Variants in VNN1 observed in about 807,000 individuals in gnomAD.
VNN1 encodes the protein pantetheinase.
Under a neutral mutation model 41.9 loss-of-function variants are expected in VNN1, and 29 were observed. The ratio of observed to expected loss-of-function variants is 0.69; its 90% confidence interval spans 0.52 to 0.94. The LOEUF is 0.94. Among genes scored for constraint, VNN1 ranks in the 40% least tolerant of loss-of-function variants. VNN1 has a pLI of 0.00. For missense variants in VNN1, 637 were observed against 621.1 expected, an observed-to-expected ratio of 1.03 and a Z score of -0.27; for synonymous variants, 233 against 224.4, an observed-to-expected ratio of 1.04 and a Z score of -0.34.
chr6:132,713,244 A>G (rs1196186904), intron 1 of VNN1, among the ~76,000 whole-genome samples: 1 of 152,254 alleles, frequency 6.6e-6, no homozygotes, highest in South Asian at 2.1e-4. Flanking sequence ...AATAGCTTTT[A>G]AAATAATATT....
At chr6:132,709,970 T>C (rs1205055480) in intron 2 of VNN1, among the ~76,000 whole-genome samples, 2 of 152,180 alleles carry the variant, frequency 1.3e-5, no homozygotes, top group African/African-American at 4.8e-5. Context: ...AGTAAATGAT[T>C]ATGATAAATA....
intron 2 of VNN1, among the ~76,000 whole-genome samples, chr6:132,708,361 A>G (rs868687884): frequency 1.9e-4 from 29 of 152,268 alleles, no homozygotes; most frequent in Middle Eastern, 3.4e-3. Context: ...AAAGTATCCT[A>G]TTTTTAATTA....
intron 2 of VNN1, among the ~76,000 whole-genome samples, chr6:132,702,289 G>T (rs1271405820): frequency 6.6e-6 from 1 of 152,188 alleles, no homozygotes; most frequent in South Asian, 2.1e-4. Flanking sequence ...AGGAATCTAG[G>T]TTGCATGTTC....
intron 2 of VNN1, among the ~76,000 whole-genome samples, chr6:132,706,709 G>A (rs1176558838): frequency 6.6e-6 from 1 of 152,014 alleles, no homozygotes; most frequent in Non-Finnish European, 1.5e-5. Flanking sequence ...TATCAAGAAA[G>A]TGAAGAGACA....
intron 2 of VNN1, among the ~76,000 whole-genome samples, chr6:132,711,162 G>C (rs758136032): frequency 3.9e-5 from 6 of 152,170 alleles, no homozygotes; most frequent in Non-Finnish European, 8.8e-5. Context: ...GAATCGACAT[G>C]ATTTTCTTAG....
chr6:132,686,155 T>C (rs541778170), intron 5 of VNN1, among the ~76,000 whole-genome samples: 1 of 152,146 alleles, frequency 6.6e-6, no homozygotes, highest in African/African-American at 2.4e-5. Context: ...TTAAAAAAAA[T>C]GTTTATCTGG....
intron 2 of VNN1, among the ~76,000 whole-genome samples, chr6:132,709,622 C>T (rs548650831): frequency 5.9e-5 from 9 of 151,456 alleles, no homozygotes; most frequent in African/African-American, 2.2e-4. Context: ...TGAGATCACG[C>T]CACTGCACTC....
Position 132,681,711 on chromosome 6 carries a change from T to G in VNN1, c.*1429A>C, listed in dbSNP as rs900159379. Reference sequence around the variant, plus strand: ...TGAGGATTCCTGTTTCTAAATACATTATGGGCTTTCTTATTTTCTATTAGG... The same window carrying G: ...TGAGGATTCCTGTTTCTAAATACATGATGGGCTTTCTTATTTTCTATTAGG... On this transcript the variant is annotated 3_prime_UTR_variant, in exon 7 of 7. Coordinates refer to ENST00000367928, the MANE Select transcript of VNN1 (RefSeq NM_004666.3). 5 of 152,658 alleles carry G rather than the reference T, an allele frequency of 3.3e-5. No homozygotes were observed. The highest frequency in any genetic ancestry group is 1.2e-4 in the African/African-American group (5 of 41,458). 9.5% of individuals were successfully genotyped at this position (152,658 alleles called of 1,614,324 possible).
rs1033624655 is a variant in VNN1 at position 132,701,121 on chromosome 6, C to G, written c.342-6939G>C. On this transcript the variant is annotated intron_variant, in intron 2 of 6. Transcript: ENST00000367928. ...CTAACGACAAGTCTGGAAAGGTACA[C>G]TGTGACTCTTTATTTCTAACATTGA... Among the ~76,000 whole-genome samples the G allele has an allele frequency of 3.1e-4, 47 of 152,158 alleles. 1 individual carries two copies. Among genetic ancestry groups the G allele is most frequent in the Non-Finnish European group, 7.3e-5 (5 of 68,034 alleles).
intron 5 of VNN1, among the ~76,000 whole-genome samples, chr6:132,691,452 A>G (rs1046759153): frequency 6.6e-6 from 1 of 152,106 alleles, no homozygotes; most frequent in African/African-American, 2.4e-5. Context: ...CCATTGAACT[A>G]TCTTGGTGGT....
chr6:132,708,028 C>T (rs902734255), intron 2 of VNN1, among the ~76,000 whole-genome samples: 1 of 152,138 alleles, frequency 6.6e-6, no homozygotes, highest in East Asian at 1.9e-4. Context: ...TGTGTACAAA[C>T]ATCAAAACAT....
Position 132,683,012 on chromosome 6 carries a change from T to TG in VNN1, c.*127_*128insC. ...GTTTATATTATCTGGTGTGTGTGTG[T>TG]TTGTCTAAATAAAGAGAAACTAGTA... On this transcript the variant is annotated 3_prime_UTR_variant, in exon 7 of 7. Coordinates refer to ENST00000367928, the MANE Select transcript of VNN1 (RefSeq NM_004666.3). 1.4e-6 allele frequency: 1 copy of TG among 709,552 alleles called. No individual in the cohort carries two copies. The highest frequency in any genetic ancestry group is 2.2e-6 in the Non-Finnish European group (1 of 460,152). The allele number at this position is 709,552 out of a possible 1,614,324, so 44.0% of individuals were successfully genotyped here. A position where few individuals can be genotyped will look rare whatever the true frequency, so the allele number is the denominator to read the frequency against.
At chr6:132,709,674 A>AAG (rs1177185143) in intron 2 of VNN1, among the ~76,000 whole-genome samples, 3 of 104,914 alleles carry the variant, frequency 2.9e-5, no homozygotes, top group Non-Finnish European at 3.6e-5. Context: ...AAAAAAAAAA[A>AAG]AGAGAGAGAG....
At chr6:132,685,908 T>C (rs1373403620) in intron 5 of VNN1, among the ~76,000 whole-genome samples, 1 of 152,144 alleles carries the variant, frequency 6.6e-6, no homozygotes, top group African/African-American at 2.4e-5. Flanking sequence ...GGGGATTACC[T>C]GAATAAATAA....
intron 5 of VNN1, among the ~76,000 whole-genome samples, chr6:132,689,449 G>C (rs1290732813): frequency 3.3e-5 from 5 of 152,058 alleles, no homozygotes; most frequent in Non-Finnish European, 7.4e-5. Context: ...ATCATTATGA[G>C]CTCAGAAAAT....
At chr6:132,700,970 A>C (rs1778441484) in intron 2 of VNN1, among the ~76,000 whole-genome samples, 1 of 152,218 alleles carries the variant, frequency 6.6e-6, no homozygotes. Flanking sequence ...TCACAACTAC[A>C]TTAAGGCAAT....
chr6:132,703,137 G>A (rs572198829), intron 2 of VNN1, among the ~76,000 whole-genome samples: 13 of 152,256 alleles, frequency 8.5e-5, no homozygotes, highest in African/African-American at 3.1e-4. Context: ...AGAACCCACT[G>A]CCTTCTCTTA....
intron 2 of VNN1, among the ~76,000 whole-genome samples, chr6:132,709,829 G>C (rs551255499): frequency 2.6e-4 from 40 of 152,208 alleles, no homozygotes; most frequent in African/African-American, 8.9e-4. Context: ...TCTAGGGAAA[G>C]GCCATTCAGA....
At chr6:132,694,938 A>C (rs1582771845) in intron 2 of VNN1, among the ~76,000 whole-genome samples, 1 of 152,240 alleles carries the variant, frequency 6.6e-6, no homozygotes, top group East Asian at 1.9e-4. Context: ...GGATCAGCTG[A>C]GGTCAGGAGT....
Sources: allele counts gnomAD v4.1 joint callset (sites outside exome capture counted in the v4.1 genomes callset), GRCh38; gene constraint gnomAD v4.1.1; transcripts MANE v1.5; gene names NCBI Gene and HGNC (gene_info 2026-07-23, HGNC 2026-07-21).